The following PTPRD variants were observed in gnomAD, a reference collection of about 807,000 sequenced individuals.
The protein encoded by PTPRD is receptor-type tyrosine-protein phosphatase delta.
A neutral mutation model predicts 214.5 loss-of-function variants in PTPRD; 34 were observed. The observed-to-expected ratio is 0.16, with a 90% CI of 0.12 to 0.21. The LOEUF (loss-of-function observed/expected upper bound fraction) is 0.21. PTPRD is among the 10% of genes least tolerant of loss of function. PTPRD has a pLI of 1.00. For synonymous variants in PTPRD, 1,128 were observed against 845.7 expected (o/e 1.33, Z -5.79); for missense variants, 2,545 against 2,398.7 (o/e 1.06, Z -1.27).
intron 9 of PTPRD, among the ~76,000 whole-genome samples, chr9:9,200,720 G>C (rs1203445211): frequency 6.6e-6 from 1 of 152,180 alleles, no homozygotes; most frequent in East Asian, 1.9e-4. Context: ...TCCTTAAGAG[G>C]TATCAAGAAA....
intron 8 of PTPRD, among the ~76,000 whole-genome samples, chr9:9,445,075 C>T (rs186255768): frequency 6.6e-6 from 1 of 152,094 alleles, no homozygotes; most frequent in African/African-American, 2.4e-5. Flanking sequence ...TGTGATATGA[C>T]AATTTGTAAG....
rs114353248 is a variant in PTPRD at position 10,493,878 on chromosome 9, T to C, written c.-600+118520A>G. Among the ~76,000 whole-genome samples the C allele has an allele frequency of 9.4e-3, 1,434 of 152,088 alleles. 23 individuals carry two copies. Among genetic ancestry groups the C allele is most frequent in the African/African-American group, 0.033 (1,377 of 41,526 alleles). ...TACTATTAATTATACCTAATAACTA[T>C]GATCTGTTTAAGTTACATGAACTAA... On this transcript the variant is annotated intron_variant, in intron 2 of 45. Transcript: ENST00000381196.
chr9:10,207,452 G>C (rs2099489104), intron 3 of PTPRD, among the ~76,000 whole-genome samples: 1 of 151,516 alleles, frequency 6.6e-6, no homozygotes, highest in Admixed American at 6.6e-5. Flanking sequence ...AAAATAACTA[G>C]AAAGGGTTCA....
intron 13 of PTPRD, among the ~76,000 whole-genome samples, chr9:8,636,251 C>T (rs2096429477): frequency 6.6e-6 from 1 of 152,134 alleles, no homozygotes; most frequent in South Asian, 2.1e-4. Context: ...TGTCCTCATT[C>T]CCAGAACAGA....
intron 6 of PTPRD, among the ~76,000 whole-genome samples, chr9:9,741,868 G>A (rs1208249689): frequency 6.6e-6 from 1 of 152,020 alleles, no homozygotes; most frequent in South Asian, 2.1e-4. Flanking sequence ...ATGGGCATTT[G>A]GGTTGGTTCC....
intron 11 of PTPRD, among the ~76,000 whole-genome samples, chr9:8,862,887 G>A (rs1270299877): frequency 6.6e-6 from 1 of 152,096 alleles, no homozygotes; most frequent in Non-Finnish European, 1.5e-5. Flanking sequence ...CATGGACACA[G>A]GAAGGGGAAC....
chr9:9,750,055 T>C (rs2098501554), intron 6 of PTPRD, among the ~76,000 whole-genome samples: 1 of 152,094 alleles, frequency 6.6e-6, no homozygotes, highest in Non-Finnish European at 1.5e-5. Context: ...CTACGAAAAA[T>C]AAACTTTTAT....
intron 4 of PTPRD, among the ~76,000 whole-genome samples, chr9:9,975,040 C>T (rs1221452534): frequency 1.4e-5 from 2 of 145,874 alleles, no homozygotes; most frequent in East Asian, 1.9e-4. Flanking sequence ...TTTCTAAACA[C>T]AGGAGAAGGT....
rs144128680 is a variant in PTPRD at position 8,618,195 on chromosome 9, G to A, written c.352+15122C>T. 4.0e-3 allele frequency among the ~76,000 whole-genome samples: 610 copies of A among 152,104 alleles called. 5 individuals are homozygous for A. The highest frequency in any genetic ancestry group is 0.014 in the African/African-American group (578 of 41,516). ...CCACCAACTGCTGTTTAAGACAGAC[G>A]CAAAAAGAAAATTTGCTGCACGAGT... is the stretch of plus-strand genomic sequence containing the variant. On this transcript the variant is annotated intron_variant, in intron 14 of 45. Transcript: ENST00000381196.
At chr9:8,451,675 A>G (rs1442499100) in intron 33 of PTPRD, among the ~76,000 whole-genome samples, 1 of 152,196 alleles carries the variant, frequency 6.6e-6, no homozygotes, top group Non-Finnish European at 1.5e-5. Flanking sequence ...TCCACGTGAA[A>G]CATATGGTTG....
At chr9:10,107,958 A>G (rs1018807718) in intron 3 of PTPRD, among the ~76,000 whole-genome samples, 1 of 152,086 alleles carries the variant, frequency 6.6e-6, no homozygotes, top group Non-Finnish European at 1.5e-5. Context: ...ATTGGTTCTG[A>G]TCATTCAGAT....
intron 5 of PTPRD, among the ~76,000 whole-genome samples, chr9:9,828,459 C>T (rs1209715496): frequency 2.6e-5 from 4 of 152,052 alleles, no homozygotes; most frequent in Non-Finnish European, 5.9e-5. Context: ...AATGAGAACA[C>T]ATGGACACAG....
intron 11 of PTPRD, among the ~76,000 whole-genome samples, chr9:8,786,402 C>CTTTTTTTTTTTTTTTTTTTTTTT (rs36018689): frequency 1.5e-5 from 1 of 66,996 alleles, no homozygotes; most frequent in Non-Finnish European, 2.7e-5. Flanking sequence ...GTTTGGAGTT[C>CTTTTTTTTTTTTTTTTTTTTTTT]TTTTTTTTTT....
intron 11 of PTPRD, among the ~76,000 whole-genome samples, chr9:8,931,636 A>T (rs2098953323): frequency 6.6e-6 from 1 of 151,934 alleles, no homozygotes; most frequent in African/African-American, 2.4e-5. Flanking sequence ...CTTTTATTTC[A>T]TTGAGCAGCC....
intron 10 of PTPRD, among the ~76,000 whole-genome samples, chr9:9,073,821 C>T (rs148710953): frequency 8.0e-6 from 1 of 125,116 alleles, no homozygotes; most frequent in East Asian, 2.2e-4. Flanking sequence ...AACTAAATGC[C>T]AGTTCTAATT....
At chr9:9,122,017 C>T (rs996256916) in intron 10 of PTPRD, among the ~76,000 whole-genome samples, 18 of 152,076 alleles carry the variant, frequency 1.2e-4, no homozygotes, top group African/African-American at 4.3e-4. Flanking sequence ...GAATTTGTTA[C>T]ATGAGGGGAG....
At position 8,755,271 on chromosome 9, in the gene PTPRD, T is replaced by G. The variant is rs189868170; in HGVS notation, c.-103-21325A>C. ...CAGGCCAGGTGCGGTGGCTCACGCC[T>G]GTAATCCCAGCACTTTGGGAGGCCG... On this transcript the variant is annotated intron_variant, in intron 11 of 45. Coordinates refer to ENST00000381196, the MANE Select transcript of PTPRD (RefSeq NM_002839.4). Among the ~76,000 whole-genome samples, 928 of 150,242 alleles carry G rather than the reference T, an allele frequency of 6.2e-3. 8 individuals carry two copies. The highest frequency in any genetic ancestry group is 9.2e-3 in the Non-Finnish European group (622 of 67,760).
intron 3 of PTPRD, among the ~76,000 whole-genome samples, chr9:10,140,173 T>G (rs1173448022): frequency 3.3e-5 from 5 of 151,900 alleles, no homozygotes; most frequent in African/African-American, 4.8e-5. Context: ...AGAAACTATG[T>G]CATATCCAGA....
chr9:8,336,901 C>T (rs1450921857), intron 43 of PTPRD, among the ~76,000 whole-genome samples: 4 of 152,182 alleles, frequency 2.6e-5, no homozygotes, highest in Admixed American at 1.3e-4. Flanking sequence ...CAATGAGATA[C>T]CATCTTACAC....
Sources: allele counts gnomAD v4.1 joint callset (sites outside exome capture counted in the v4.1 genomes callset), GRCh38; gene constraint gnomAD v4.1.1; transcripts MANE v1.5; gene names NCBI Gene and HGNC (gene_info 2026-07-23, HGNC 2026-07-21).